LRP2: variants seen among roughly 807,000 people sequenced by gnomAD.
The protein encoded by LRP2 is LDL receptor related protein 2.
LRP2 carries 172 observed loss-of-function variants against 531.0 expected under a neutral mutation model. The ratio of observed to expected loss-of-function variants is 0.32; its 90% CI spans 0.29 to 0.37. LRP2 has a LOEUF of 0.37. LRP2 is among the 10% of genes least tolerant of loss of function. The pLI is 1.00. For synonymous variants in LRP2, 1,992 were observed against 2,027.6 expected (o/e 0.98, Z 0.47); for missense variants, 5,167 against 5,868.3 (o/e 0.88, Z 3.90).
Position 169,185,550 on chromosome 2 carries a change from G to A in LRP2, c.9798C>T (p.Asn3266=), listed in dbSNP as rs1481482183. The change falls in exon 50 of 79, where the codon AAC becomes AAT. Residue 3266 remains asparagine, a synonymous_variant. Coordinates refer to ENST00000649046, the MANE Select transcript of LRP2 (RefSeq NM_004525.3). ...GACTTTCTGCAGCTGGTAGTCTGTGGTTTATGATTGTCTCCTTGTTTGTCT... is the reference window on the plus strand; with the variant it reads ...GACTTTCTGCAGCTGGTAGTCTGTGATTTATGATTGTCTCCTTGTTTGTCT... ...LNKTNKETII[N]HRLPAAESLA... 3 of 1,613,824 alleles carry A rather than the reference G, an allele frequency of 1.9e-6. No homozygotes were observed. Among genetic ancestry groups the A allele is most frequent in the Non-Finnish European group, 2.5e-6 (3 of 1,179,998 alleles).
At chr2:169,135,748 G>A (rs878999912) in intron 76 of LRP2, among the ~76,000 whole-genome samples, 2 of 152,018 alleles carry the variant, frequency 1.3e-5, no homozygotes, top group South Asian at 2.1e-4. Flanking sequence ...CTGTATAGAC[G>A]CTCCTTTTTA....
At chr2:169,314,416 C>T (rs976607506) in intron 3 of LRP2, among the ~76,000 whole-genome samples, 57 of 137,112 alleles carry the variant, frequency 4.2e-4, no homozygotes, top group African/African-American at 1.6e-3. Context: ...AAGCAAGACC[C>T]CTGTCTCTAA....
Position 169,341,907 on chromosome 2 carries a change from A to G in LRP2, c.79+20414T>C, listed in dbSNP as rs148607409. ...CTTTCTGCCTCTCTATTCACTTCCT[A>G]TCAACCAAGATGGGCCCTCAACAAA... On this transcript the variant is annotated intron_variant, in intron 1 of 78. Coordinates refer to ENST00000649046, the MANE Select transcript of LRP2 (RefSeq NM_004525.3). Among the ~76,000 whole-genome samples the G allele has an allele frequency of 9.5e-4, 144 of 152,252 alleles. 1 individual carries two copies. In the Middle Eastern group the frequency reaches 0.017, roughly 18 times the overall value.
At chr2:169,181,684 C>A in intron 51 of LRP2, 66 bp from the exon 52 acceptor site, 2 of 1,413,162 alleles carry the variant, frequency 1.4e-6, no homozygotes, top group Non-Finnish European at 2.0e-6. Flanking sequence ...AAATACACAC[C>A]TTTTCTCCAT....
At chr2:169,256,670 T>C (rs1425479088) in intron 18 of LRP2, among the ~76,000 whole-genome samples, 3 of 152,132 alleles carry the variant, frequency 2.0e-5, no homozygotes, top group Admixed American at 1.3e-4. Flanking sequence ...TTGAGAACCA[T>C]AGCTTATACT....
At chr2:169,169,152 G>T (rs1323359189) in intron 60 of LRP2, among the ~76,000 whole-genome samples, 1 of 152,210 alleles carries the variant, frequency 6.6e-6, no homozygotes, top group Non-Finnish European at 1.5e-5. Context: ...AGATCAGACA[G>T]TTACTGTGTC....
At chr2:169,339,802 A>C (rs1685514554) in intron 1 of LRP2, among the ~76,000 whole-genome samples, 1 of 152,236 alleles carries the variant, frequency 6.6e-6, no homozygotes, top group African/African-American at 2.4e-5. Flanking sequence ...CATGGGGGAA[A>C]CATAGAGACC....
rs1686935683 is a variant in LRP2 at position 169,169,992 on chromosome 2, C to T, written c.11381-174G>A. ...ATACATTCTCAAAACTCACACTTTCCCCACTCAACATACAGAGATGGAAGT... is the reference window on the plus strand; with the variant it reads ...ATACATTCTCAAAACTCACACTTTCTCCACTCAACATACAGAGATGGAAGT... On this transcript the variant is annotated intron_variant, in intron 59 of 78. Coordinates refer to ENST00000649046, the MANE Select transcript of LRP2 (RefSeq NM_004525.3). 2.0e-5 allele frequency among the ~76,000 whole-genome samples: 3 copies of T among 152,168 alleles called. No homozygotes were observed. In the South Asian group the frequency reaches 6.2e-4, roughly 32 times the overall value.
At chr2:169,322,402 T>C (rs1161846853) in intron 1 of LRP2, among the ~76,000 whole-genome samples, 1 of 152,162 alleles carries the variant, frequency 6.6e-6, no homozygotes, top group Non-Finnish European at 1.5e-5. Context: ...TGGTACCGAG[T>C]GGTACAGGAG....
intron 21 of LRP2, among the ~76,000 whole-genome samples, chr2:169,245,769 A>C (rs1689982638): frequency 6.6e-6 from 1 of 152,178 alleles, no homozygotes. Context: ...AACACATGAG[A>C]TTTTCCAAAG....
At chr2:169,152,557 G>A (rs1169616515) in intron 67 of LRP2, among the ~76,000 whole-genome samples, 1 of 151,902 alleles carries the variant, frequency 6.6e-6, no homozygotes, top group African/African-American at 2.4e-5. Context: ...TATTGACCTG[G>A]GTGCTTTCCC....
rs559948044 is a variant in LRP2, at chr2:169,233,715, G to A, written c.4921-127C>T. On this transcript the variant is annotated intron_variant, in intron 29 of 78. Coordinates refer to ENST00000649046, the MANE Select transcript of LRP2 (RefSeq NM_004525.3). ...TGTCATTATTTAATAAAAACACAAG[G>A]AAGTCATTGTGCAAAAGAGCGGCAA... The A allele has an allele frequency of 5.6e-6, 5 of 891,992 alleles. No individual in the cohort carries two copies. The Admixed American group carries it at 7.9e-5, about 14-fold the overall frequency. 55.3% of individuals were successfully genotyped at this position (891,992 alleles called of 1,614,324 possible).
chr2:169,160,685 A>AAAAAAAAAAAAAAAAAAAAAAAAC (rs970862922), intron 63 of LRP2, among the ~76,000 whole-genome samples: 2,337 of 92,782 alleles, frequency 0.025, 73 homozygotes, highest in African/African-American at 0.067. Context: ...ATTTCCTTAA[A>AAAAAAAAAAAAAAAAAAAAAAAAC]AAAAAAAAAA....
chr2:169,275,844 C>T (rs911252769), intron 13 of LRP2, among the ~76,000 whole-genome samples: 1 of 151,926 alleles, frequency 6.6e-6, no homozygotes, highest in African/African-American at 2.4e-5. Context: ...GGCCCAAAGC[C>T]ACTTAACTGG....
intron 9 of LRP2, among the ~76,000 whole-genome samples, chr2:169,286,030 A>G (rs1016068855): frequency 2.0e-5 from 3 of 152,244 alleles, no homozygotes; most frequent in African/African-American, 7.2e-5. Flanking sequence ...AAACCAAAGC[A>G]ACAATTCCCC....
At chr2:169,287,252 T>C (rs1293253371) in intron 9 of LRP2, among the ~76,000 whole-genome samples, 1 of 152,234 alleles carries the variant, frequency 6.6e-6, no homozygotes, top group Non-Finnish European at 1.5e-5. Flanking sequence ...TTGCAGATCA[T>C]AACTTTTATT....
chr2:169,336,006 C>T (rs1387359923), intron 1 of LRP2, among the ~76,000 whole-genome samples: 1 of 143,394 alleles, frequency 7.0e-6, no homozygotes, highest in African/African-American at 2.6e-5. Flanking sequence ...CTAAGTGAGA[C>T]TTCATCTCAA....
chr2:169,260,867 C>G (rs1391022361), intron 16 of LRP2, among the ~76,000 whole-genome samples: 1 of 99,380 alleles, frequency 1.0e-5, no homozygotes, highest in Non-Finnish European at 2.4e-5. Context: ...CCAGGGTACA[C>G]TAGAAAAAAA....
chr2:169,356,859 T>C (rs970833860), intron 1 of LRP2, among the ~76,000 whole-genome samples: 2 of 152,222 alleles, frequency 1.3e-5, no homozygotes, highest in Non-Finnish European at 2.9e-5. Context: ...AATGAGTCAA[T>C]GACTATTTCA....
Sources: gnomAD v4.1 joint callset for allele counts (sites outside exome capture counted in the v4.1 genomes callset) on GRCh38, gnomAD v4.1.1 for gene constraint, MANE v1.5 for transcripts, NCBI Gene and HGNC (gene_info 2026-07-23, HGNC 2026-07-21) for gene names.